The following DNM3 variants were observed in gnomAD, a reference collection of about 807,000 sequenced individuals.
DNM3 encodes the protein dynamin 3, also known as dynamin-3.
Under a neutral mutation model 101.6 loss-of-function variants are expected in DNM3, and 47 were observed. The observed-to-expected ratio is 0.46, with a 90% CI of 0.37 to 0.59. DNM3 has a LOEUF of 0.59. DNM3 is among the 20% of genes least tolerant of loss of function. DNM3 has a pLI of 0.00. For missense variants in DNM3, 849 were observed against 1,085.7 expected (o/e 0.78, Z 3.06); for synonymous variants, 385 against 387.9 (o/e 0.99, Z 0.09).
chr1:172,388,529 CAGAA>C, intron 19 of DNM3, 40 bp from the exon 20 acceptor site: 1 of 1,513,368 alleles, frequency 6.6e-7, no homozygotes, highest in Non-Finnish European at 9.1e-7. Context: ...TTAATTCAGA[CAGAA>C]AGGAGGAGTG....
chr1:172,165,329 C>G (rs537444), intron 14 of DNM3, among the ~76,000 whole-genome samples: 73,815 of 151,790 alleles, frequency 0.49, 19,479 homozygotes, highest in African/African-American at 0.69. Flanking sequence ...GTGAGAGTAA[C>G]AGAGTAAAGA....
chr1:172,258,270 A>G (rs1032715586), intron 15 of DNM3, among the ~76,000 whole-genome samples: 8 of 152,242 alleles, frequency 5.3e-5, no homozygotes, highest in Middle Eastern at 3.4e-3. Flanking sequence ...TCTTTGATAT[A>G]CTGATTTCCT....
intron 1 of DNM3, among the ~76,000 whole-genome samples, chr1:171,898,675 A>G (rs1002909287): frequency 7.8e-6 from 1 of 127,480 alleles, no homozygotes; most frequent in African/African-American, 3.0e-5. Context: ...ATATGATTTA[A>G]AAGTGTGTGT....
At chr1:172,309,826 C>G (rs1328565909) in intron 16 of DNM3, 1 of 152,166 alleles carries the variant, frequency 6.6e-6, no homozygotes, top group Non-Finnish European at 1.5e-5. Context: ...TGGGGTTATA[C>G]TAAAATGTAA....
chr1:172,343,038 G>T (rs1331215100), intron 17 of DNM3, among the ~76,000 whole-genome samples: 1 of 152,174 alleles, frequency 6.6e-6, no homozygotes, highest in Non-Finnish European at 1.5e-5. Context: ...TCCCTAAGGC[G>T]AAGGAGCTAA....
intron 20 of DNM3, among the ~76,000 whole-genome samples, chr1:172,401,737 A>G (rs2070498398): frequency 6.6e-6 from 1 of 152,182 alleles, no homozygotes; most frequent in African/African-American, 2.4e-5. Context: ...CTGTTGCTAC[A>G]GCCAAAAATT....
intron 13 of DNM3, among the ~76,000 whole-genome samples, chr1:172,100,783 T>C (rs2054584401): frequency 6.6e-6 from 1 of 152,198 alleles, no homozygotes; most frequent in South Asian, 2.1e-4. Flanking sequence ...TGAACTAGTT[T>C]TTTTTCCTTC....
At chr1:171,954,121 C>G (rs1448161457) in intron 2 of DNM3, among the ~76,000 whole-genome samples, 3 of 152,182 alleles carry the variant, frequency 2.0e-5, no homozygotes, top group Admixed American at 1.3e-4. Flanking sequence ...GGCCAGGACA[C>G]TTTATTACTG....
intron 6 of DNM3, among the ~76,000 whole-genome samples, chr1:172,037,341 G>A (rs946787647): frequency 2.0e-5 from 3 of 152,202 alleles, no homozygotes; most frequent in African/African-American, 2.4e-5. Flanking sequence ...ATATGCACAC[G>A]TATGTTTATT....
intron 16 of DNM3, among the ~76,000 whole-genome samples, chr1:172,313,104 T>C (rs902780332): frequency 1.3e-5 from 2 of 152,236 alleles, no homozygotes; most frequent in Non-Finnish European, 2.9e-5. Flanking sequence ...AAATCTGAAT[T>C]TGGATTTAGC....
At chr1:172,189,621 G>T (rs1238103026) in intron 14 of DNM3, among the ~76,000 whole-genome samples, 2 of 151,944 alleles carry the variant, frequency 1.3e-5, no homozygotes, top group Non-Finnish European at 1.5e-5. Context: ...GGGTGCTAAC[G>T]TAGATGACTA....
At chr1:172,052,278 G>C (rs1319938577) in intron 10 of DNM3, among the ~76,000 whole-genome samples, 1 of 151,986 alleles carries the variant, frequency 6.6e-6, no homozygotes, top group African/African-American at 2.4e-5. Flanking sequence ...GTGGGGGGTG[G>C]TTTCCTATCT....
chr1:172,133,328 G>A, intron 14 of DNM3: 1 of 1,008,074 alleles, frequency 9.9e-7, no homozygotes, highest in South Asian at 4.5e-5. Flanking sequence ...CACTGCCCTT[G>A]TAGCTTCCTT....
intron 14 of DNM3, among the ~76,000 whole-genome samples, chr1:172,216,639 A>G (rs1572985553): frequency 6.6e-6 from 1 of 152,156 alleles, no homozygotes; most frequent in East Asian, 1.9e-4. Context: ...TTTCTTATAA[A>G]TGGAATTTAA....
chr1:172,305,372 G>A (rs1392294077), intron 15 of DNM3, among the ~76,000 whole-genome samples: 2 of 152,164 alleles, frequency 1.3e-5, no homozygotes, highest in Admixed American at 1.3e-4. Context: ...AACAGGCTCT[G>A]AAATTGAGGC....
At chr1:172,262,245 A>G (rs2062686421) in intron 15 of DNM3, among the ~76,000 whole-genome samples, 1 of 152,132 alleles carries the variant, frequency 6.6e-6, no homozygotes, top group Non-Finnish European at 1.5e-5. Flanking sequence ...CCTTGGGGGC[A>G]TATGAAAAGG....
intron 15 of DNM3, among the ~76,000 whole-genome samples, chr1:172,288,112 A>G (rs750293498): frequency 2.6e-5 from 4 of 152,214 alleles, no homozygotes; most frequent in Admixed American, 2.6e-4. Context: ...TCTAAGAGGA[A>G]CATGTCCCCT....
intron 1 of DNM3, among the ~76,000 whole-genome samples, chr1:171,862,860 A>G (rs1312420994): frequency 2.0e-5 from 3 of 152,136 alleles, no homozygotes; most frequent in Admixed American, 6.6e-5. Flanking sequence ...GGAGAGGCCA[A>G]AGAACTAGAA....
chr1:171,972,127 A>G (rs2044037452), intron 2 of DNM3, among the ~76,000 whole-genome samples: 1 of 152,258 alleles, frequency 6.6e-6, no homozygotes, highest in Non-Finnish European at 1.5e-5. Context: ...GGAATGTTAA[A>G]TCAAAGATGT....
Sources: allele counts gnomAD v4.1 joint callset (sites outside exome capture counted in the v4.1 genomes callset), GRCh38; gene constraint gnomAD v4.1.1; transcripts MANE v1.5; gene names NCBI Gene and HGNC (gene_info 2026-07-23, HGNC 2026-07-21).